The following SCLT1 variants were observed in gnomAD, a reference collection of about 807,000 sequenced individuals.
SCLT1 encodes sodium channel-associated protein 1.
In SCLT1, 78 loss-of-function variants were observed where a neutral mutation model predicts 112.8. The observed-to-expected ratio is 0.69, with a 90% CI of 0.58 to 0.83. The LOEUF is 0.83. SCLT1 is among the 40% of genes least tolerant of loss of function. The pLI, the probability that SCLT1 is intolerant of heterozygous loss-of-function variation, is 0.00. For synonymous variants in SCLT1, 257 were observed against 254.7 expected, an observed-to-expected ratio of 1.01 and a Z score of -0.09; for missense variants, 747 against 770.4, an observed-to-expected ratio of 0.97 and a Z score of 0.36.
intron 7 of SCLT1, among the ~76,000 whole-genome samples, chr4:128,998,550 C>CT (rs1162219829): frequency 6.6e-6 from 1 of 151,818 alleles, no homozygotes; most frequent in African/African-American, 2.4e-5. Context: ...ACCCATCAAA[C>CT]TATGTAGCTA....
At chr4:129,041,192 GC>G (rs1747668639) in intron 4 of SCLT1, among the ~76,000 whole-genome samples, 1 of 152,164 alleles carries the variant, frequency 6.6e-6, no homozygotes, top group South Asian at 2.1e-4. Context: ...GCAAAAGAGA[GC>G]TTTCTGTTGC....
chr4:129,003,116 G>A (rs111549468), intron 6 of SCLT1, among the ~76,000 whole-genome samples: 2,143 of 152,250 alleles, frequency 0.014, 52 homozygotes, highest in African/African-American at 0.046. Flanking sequence ...AAAAAAGGAT[G>A]AGATCATGTC....
intron 5 of SCLT1, among the ~76,000 whole-genome samples, chr4:129,011,798 T>G (rs182792263): frequency 1.3e-5 from 2 of 152,292 alleles, no homozygotes; most frequent in East Asian, 3.9e-4. Flanking sequence ...CATCCATTTC[T>G]TCTAGATATT....
At chr4:128,943,417 T>C (rs1737879584) in intron 16 of SCLT1, among the ~76,000 whole-genome samples, 1 of 152,148 alleles carries the variant, frequency 6.6e-6, no homozygotes. Context: ...TGAACTGTTA[T>C]CACTTATCTA....
intron 17 of SCLT1, 68 bp downstream of exon 17, chr4:128,942,928 G>T: frequency 8.4e-7 from 1 of 1,190,586 alleles, no homozygotes; most frequent in Non-Finnish European, 1.2e-6. Flanking sequence ...TGTTTTGCTA[G>T]GTCTCTCTAA....
intron 13 of SCLT1, 141 bp from the exon 14 acceptor site, chr4:128,952,981 T>C: frequency 1.7e-6 from 1 of 595,368 alleles, no homozygotes; most frequent in East Asian, 2.8e-5. Flanking sequence ...ACATAATATA[T>C]TAAAGAGCCA....
At chr4:128,968,197 A>G (rs2126028979) in intron 10 of SCLT1, among the ~76,000 whole-genome samples, 1 of 152,190 alleles carries the variant, frequency 6.6e-6, no homozygotes, top group Middle Eastern at 3.4e-3. Flanking sequence ...GGCAGTTCCA[A>G]TTACACTTAT....
chr4:129,015,556 T>C (rs1279220383), intron 5 of SCLT1, among the ~76,000 whole-genome samples: 3 of 152,076 alleles, frequency 2.0e-5, no homozygotes, highest in African/African-American at 7.2e-5. Context: ...AAGTTGAGCC[T>C]AAGGAAATGG....
intron 1 of SCLT1, among the ~76,000 whole-genome samples, chr4:129,089,763 A>G (rs1038093905): frequency 1.3e-5 from 2 of 152,154 alleles, no homozygotes; most frequent in East Asian, 3.9e-4. Context: ...TATCACAAGA[A>G]CAGAACACCA....
chr4:129,011,979 C>A (rs576533482), intron 5 of SCLT1, among the ~76,000 whole-genome samples: 8 of 152,084 alleles, frequency 5.3e-5, no homozygotes, highest in African/African-American at 1.7e-4. Context: ...TTCCAAAAAA[C>A]CAGCTTCTGT....
Position 128,884,624 on chromosome 4 carries a change from T to C in SCLT1, c.2005-85A>G, listed in dbSNP as rs953625660. On this transcript the variant is annotated intron_variant, in intron 20 of 20. Coordinates refer to ENST00000281142, the MANE Select transcript of SCLT1 (RefSeq NM_144643.4). The stretch of plus-strand genomic sequence containing the variant: ...ATACAAAGAAGAATGCATCACAACC[T>C]ATAAGTACTGAAATGGTCTTATTGG... 1.1e-5 allele frequency: 9 copies of C among 822,698 alleles called. No homozygotes were observed. In the African/African-American group the frequency reaches 1.2e-4, roughly 11 times the overall value. 51.0% of individuals were successfully genotyped at this position (822,698 alleles called of 1,614,324 possible). A position where few individuals can be genotyped will look rare whatever the true frequency, so the allele number is the denominator to read the frequency against.
downstream of SCLT1, among the ~76,000 whole-genome samples, chr4:128,882,669 G>A (rs1462008426): frequency 6.6e-6 from 1 of 152,076 alleles, no homozygotes; most frequent in Non-Finnish European, 1.5e-5. Flanking sequence ...TCTGTTGGGG[G>A]GAAGATGACA....
At chr4:128,939,590 C>G (rs1579439516) in intron 17 of SCLT1, among the ~76,000 whole-genome samples, 1 of 151,988 alleles carries the variant, frequency 6.6e-6, no homozygotes, top group Non-Finnish European at 1.5e-5. Context: ...AAGTAGATAA[C>G]TGAATTGCTG....
At chr4:128,911,763 A>G (rs895004837) in intron 18 of SCLT1, among the ~76,000 whole-genome samples, 6 of 152,220 alleles carry the variant, frequency 3.9e-5, no homozygotes, top group African/African-American at 1.4e-4. Context: ...TATCATGACT[A>G]TACTTATATT....
chr4:129,089,969 A>C (rs752903639), intron 1 of SCLT1, among the ~76,000 whole-genome samples: 22 of 152,190 alleles, frequency 1.4e-4, no homozygotes, highest in Non-Finnish European at 3.1e-4. Flanking sequence ...CTATGTAACA[A>C]AACTGCACGT....
At chr4:129,010,481 A>G (rs762992805) in intron 5 of SCLT1, among the ~76,000 whole-genome samples, 3 of 152,206 alleles carry the variant, frequency 2.0e-5, no homozygotes, top group Non-Finnish European at 4.4e-5. Context: ...TAGGAATAGC[A>G]TTAGATGTAT....
chr4:128,889,451 T>C (rs1419137831), intron 19 of SCLT1, among the ~76,000 whole-genome samples: 1 of 152,202 alleles, frequency 6.6e-6, no homozygotes, highest in African/African-American at 2.4e-5. Flanking sequence ...TACCAGAAGC[T>C]GGGAGAAAGG....
intron 5 of SCLT1, among the ~76,000 whole-genome samples, chr4:129,026,734 A>G (rs918501833): frequency 6.6e-6 from 1 of 152,184 alleles, no homozygotes; most frequent in African/African-American, 2.4e-5. Context: ...GACACAAAAA[A>G]CCCTTCAAAA....
At chr4:128,891,387 G>C (rs1733308107) in intron 18 of SCLT1, among the ~76,000 whole-genome samples, 1 of 152,028 alleles carries the variant, frequency 6.6e-6, no homozygotes, top group African/African-American at 2.4e-5. Context: ...CTTAAAAATA[G>C]TTAAGGTGGT....
Sources: allele counts gnomAD v4.1 joint callset (sites outside exome capture counted in the v4.1 genomes callset), GRCh38; gene constraint gnomAD v4.1.1; transcripts MANE v1.5; gene names NCBI Gene and HGNC (gene_info 2026-07-23, HGNC 2026-07-21).